TRDN: variants seen among roughly 807,000 people sequenced by gnomAD.
TRDN encodes triadin in skeletal muscle.
A neutral mutation model predicts 149.7 loss-of-function variants in TRDN; 161 were observed. The ratio of observed to expected loss-of-function variants is 1.08; its 90% CI spans 0.95 to 1.23. The LOEUF is 1.23. Ranked by LOEUF, TRDN falls within the 50% of genes most tolerant of loss-of-function variation. TRDN has a pLI of 0.00. For missense variants in TRDN, 896 were observed against 823.5 expected (o/e 1.09, Z -1.08); for synonymous variants, 294 against 250.5 (o/e 1.17, Z -1.64).
intron 2 of TRDN, among the ~76,000 whole-genome samples, chr6:123,557,733 TG>T (rs879368380): frequency 2.6e-5 from 4 of 151,988 alleles, no homozygotes; most frequent in Non-Finnish European, 4.4e-5. Flanking sequence ...ACCGCTTTTC[TG>T]GGGGGCAAGC....
rs889510568 is a variant in TRDN at position 123,571,078 on chromosome 6, T to C, written c.77A>G (p.Lys26Arg). 7 of 1,613,864 alleles carry C rather than the reference T, an allele frequency of 4.3e-6. No individual in the cohort carries two copies. The African/African-American group carries it at 5.3e-5, about 12-fold the overall frequency. Residue 26 changes from lysine (K) to arginine (R), a missense_variant, in exon 2 of 41, where the codon AAA (lysine) becomes AGA (arginine). Physicochemically the swap from Lys to Arg is conservative, Grantham distance 26. Transcript: ENST00000334268. ...CCTCTTCAGCACTTTTCCGGGGGATTTGGGCACAGATCCATTTTTGCTGTC... is the reference window on the plus strand; with the variant it reads ...CCTCTTCAGCACTTTTCCGGGGGATCTGGGCACAGATCCATTTTTGCTGTC... ...VIDSKNGSVP[K>R]SPGKVLKRTV...
chr6:123,228,279 T>C (rs1280937086), intron 38 of TRDN, among the ~76,000 whole-genome samples: 1 of 151,988 alleles, frequency 6.6e-6, no homozygotes, highest in Non-Finnish European at 1.5e-5. Flanking sequence ...GACTATGGCA[T>C]TCTGGTTCCA....
intron 5 of TRDN, among the ~76,000 whole-genome samples, chr6:123,527,878 A>G (rs1013938124): frequency 5.9e-5 from 9 of 151,792 alleles, no homozygotes; most frequent in Admixed American, 2.0e-4. Flanking sequence ...AAATAAAATA[A>G]ATTTCTACCT....
At position 123,626,389 on chromosome 6, in the gene TRDN, G is replaced by A. The variant is rs114451710; in HGVS notation, c.22+10365C>T. On this transcript the variant is annotated intron_variant, in intron 1 of 40. Transcript: ENST00000334268. Reference sequence around the variant, plus strand: ...TCCCACTACTCAGTGGGTGAGGCACGAGAATCACTTGAACCCAGGAGGCAG... The same window carrying A: ...TCCCACTACTCAGTGGGTGAGGCACAAGAATCACTTGAACCCAGGAGGCAG... 8.7e-3 allele frequency among the ~76,000 whole-genome samples: 1,324 copies of A among 152,178 alleles called. 16 individuals are homozygous for A. Among genetic ancestry groups the A allele is most frequent in the African/African-American group, 0.029 (1,200 of 41,516 alleles).
At chr6:123,405,159 T>C (rs1270993552) in intron 12 of TRDN, among the ~76,000 whole-genome samples, 2 of 152,236 alleles carry the variant, frequency 1.3e-5, no homozygotes, top group African/African-American at 4.8e-5. Flanking sequence ...CCTTTAACCA[T>C]TGAATATTCA....
intron 23 of TRDN, among the ~76,000 whole-genome samples, chr6:123,329,987 G>A (rs1457610890): frequency 6.6e-6 from 1 of 151,904 alleles, no homozygotes; most frequent in Non-Finnish European, 1.5e-5. Context: ...TGTTGCCCCT[G>A]TCCCCATCAC....
intron 13 of TRDN, among the ~76,000 whole-genome samples, chr6:123,388,878 G>A (rs1364552452): frequency 6.6e-6 from 1 of 152,014 alleles, no homozygotes; most frequent in Non-Finnish European, 1.5e-5. Context: ...CTTCTAGAAG[G>A]TCGTAAAATA....
At chr6:123,431,425 A>T (rs1357194619) in intron 12 of TRDN, among the ~76,000 whole-genome samples, 1 of 152,216 alleles carries the variant, frequency 6.6e-6, no homozygotes, top group African/African-American at 2.4e-5. Context: ...TAACTCCTGG[A>T]TTACTATCAA....
intron 38 of TRDN, among the ~76,000 whole-genome samples, chr6:123,246,593 A>G (rs768067311): frequency 1.3e-5 from 2 of 151,986 alleles, no homozygotes; most frequent in Non-Finnish European, 2.9e-5. Flanking sequence ...ACTAATTAAT[A>G]GCCTATCAAC....
chr6:123,264,237 A>G (rs1047013139), intron 33 of TRDN, among the ~76,000 whole-genome samples: 2 of 152,108 alleles, frequency 1.3e-5, no homozygotes, highest in Non-Finnish European at 2.9e-5. Context: ...TCTAGATGCT[A>G]TTAAGAACAT....
intron 6 of TRDN, among the ~76,000 whole-genome samples, chr6:123,513,136 C>T (rs1248600519): frequency 6.6e-6 from 1 of 152,092 alleles, no homozygotes. Context: ...GTGCCTCCTC[C>T]TCCAGAGTTT....
intron 7 of TRDN, among the ~76,000 whole-genome samples, chr6:123,507,948 C>T (rs1779004978): frequency 6.6e-6 from 1 of 151,622 alleles, no homozygotes; most frequent in Non-Finnish European, 1.5e-5. Flanking sequence ...CCATAAAGAA[C>T]TGCAAACTGC....
chr6:123,253,573 G>A (rs1467501904), intron 37 of TRDN, among the ~76,000 whole-genome samples: 1 of 152,012 alleles, frequency 6.6e-6, no homozygotes, highest in Non-Finnish European at 1.5e-5. Context: ...ACTAGCATTG[G>A]TTAGGAAGAC....
chr6:123,256,160 A>G (rs748818061), intron 35 of TRDN, among the ~76,000 whole-genome samples: 2 of 151,464 alleles, frequency 1.3e-5, no homozygotes, highest in Non-Finnish European at 2.9e-5. Flanking sequence ...TCATTGCTCA[A>G]CTCCCACGTT....
chr6:123,459,997 T>C (rs1776358552), intron 10 of TRDN, among the ~76,000 whole-genome samples: 1 of 152,156 alleles, frequency 6.6e-6, no homozygotes, highest in South Asian at 2.1e-4. Flanking sequence ...GTAGCATAAG[T>C]TTTCCCATGG....
intron 12 of TRDN, among the ~76,000 whole-genome samples, chr6:123,420,402 C>A (rs201108129): frequency 2.1e-5 from 3 of 141,556 alleles, no homozygotes; most frequent in Non-Finnish European, 4.6e-5. Context: ...AAAAAAAAAA[C>A]AGCAAAACTG....
At chr6:123,261,660 G>T (rs1055486715) in intron 33 of TRDN, among the ~76,000 whole-genome samples, 16 of 151,498 alleles carry the variant, frequency 1.1e-4, no homozygotes, top group African/African-American at 3.9e-4. Context: ...ACTATTTTGA[G>T]TAGCTATTTT....
intron 38 of TRDN, among the ~76,000 whole-genome samples, chr6:123,242,599 T>C (rs1176786089): frequency 1.3e-5 from 2 of 152,050 alleles, no homozygotes; most frequent in African/African-American, 4.8e-5. Flanking sequence ...ATCAAGTAGA[T>C]AGTCAGACTT....
chr6:123,393,270 T>C (rs1310626277), intron 13 of TRDN, among the ~76,000 whole-genome samples: 2 of 152,128 alleles, frequency 1.3e-5, no homozygotes, highest in Admixed American at 1.3e-4. Context: ...AATTACAAGG[T>C]ATACTGAAAA....
Sources: allele counts gnomAD v4.1 joint callset (sites outside exome capture counted in the v4.1 genomes callset), GRCh38; gene constraint gnomAD v4.1.1; transcripts MANE v1.5; gene names NCBI Gene and HGNC (gene_info 2026-07-23, HGNC 2026-07-21).